OPCML: variants seen among roughly 807,000 people sequenced by gnomAD.
The protein encoded by OPCML is opioid-binding protein/cell adhesion molecule.
In OPCML, 13 loss-of-function variants were observed where a neutral mutation model predicts 37.8. The ratio of observed to expected loss-of-function variants is 0.34; its 90% CI spans 0.22 to 0.55. The LOEUF is 0.55. Ranked by LOEUF, OPCML falls within the 20% of genes least tolerant of loss-of-function variation. The pLI is 0.91. For missense variants in OPCML, 341 were observed against 435.6 expected (o/e 0.78, Z 1.93); for synonymous variants, 176 against 168.8 (o/e 1.04, Z -0.33).
At chr11:132,544,739 C>G (rs1220345822) in intron 3 of OPCML, among the ~76,000 whole-genome samples, 1 of 152,136 alleles carries the variant, frequency 6.6e-6, no homozygotes, top group Non-Finnish European at 1.5e-5. Flanking sequence ...GCTGGCCTTC[C>G]CTGGGCCTCC....
intron 1 of OPCML, among the ~76,000 whole-genome samples, chr11:133,442,499 C>G (rs956384803): frequency 6.6e-6 from 1 of 152,082 alleles, no homozygotes; most frequent in South Asian, 2.1e-4. Context: ...ATGCTTATGG[C>G]ACCATTATTT....
chr11:132,504,493 G>A (rs1024451374), intron 4 of OPCML, among the ~76,000 whole-genome samples: 3 of 152,196 alleles, frequency 2.0e-5, no homozygotes, highest in African/African-American at 7.2e-5. Flanking sequence ...TTTCTCATGA[G>A]GGTGCAGTCA....
At chr11:133,207,791 C>A (rs1360228348) in intron 1 of OPCML, among the ~76,000 whole-genome samples, 1 of 152,144 alleles carries the variant, frequency 6.6e-6, no homozygotes, top group Non-Finnish European at 1.5e-5. Flanking sequence ...AGATACATTG[C>A]CGTCACTATG....
chr11:132,848,174 G>A (rs573961775), intron 2 of OPCML, among the ~76,000 whole-genome samples: 5 of 152,332 alleles, frequency 3.3e-5, no homozygotes, highest in South Asian at 2.1e-4. Flanking sequence ...GTGAGATCAC[G>A]TCTCTCAAAA....
chr11:132,773,998 C>T (rs989343676), intron 2 of OPCML, among the ~76,000 whole-genome samples: 1 of 152,198 alleles, frequency 6.6e-6, no homozygotes, highest in African/African-American at 2.4e-5. Flanking sequence ...AGTCTGCAGT[C>T]ATAGCAGAAT....
intron 3 of OPCML, among the ~76,000 whole-genome samples, chr11:132,532,783 C>T (rs913723068): frequency 6.6e-6 from 1 of 152,156 alleles, no homozygotes; most frequent in African/African-American, 2.4e-5. Flanking sequence ...ACAGGAGAAG[C>T]CCATCTTCAC....
intron 1 of OPCML, chr11:133,005,682 T>C (rs1947096581): frequency 2.0e-6 from 2 of 977,426 alleles, no homozygotes; most frequent in Non-Finnish European, 2.4e-6. Flanking sequence ...CTTATCAATA[T>C]ATTAAATGCA....
intron 1 of OPCML, among the ~76,000 whole-genome samples, chr11:133,353,613 C>T (rs181267665): frequency 5.9e-5 from 9 of 152,326 alleles, no homozygotes; most frequent in Admixed American, 2.0e-4. Flanking sequence ...GGTCCCTTCT[C>T]TCTAAGGAAA....
intron 2 of OPCML, among the ~76,000 whole-genome samples, chr11:132,845,918 G>A (rs1591692810): frequency 6.6e-6 from 1 of 152,104 alleles, no homozygotes; most frequent in Non-Finnish European, 1.5e-5. Context: ...GGGATACAAC[G>A]AGGGTGGGCT....
intron 4 of OPCML, among the ~76,000 whole-genome samples, chr11:132,478,132 C>T (rs920213861): frequency 1.3e-5 from 2 of 152,124 alleles, no homozygotes; most frequent in African/African-American, 2.4e-5. Context: ...AAGGTCAAGG[C>T]ATGTGAAATG....
intron 1 of OPCML, among the ~76,000 whole-genome samples, chr11:133,369,593 C>G (rs1312688704): frequency 6.6e-6 from 1 of 152,178 alleles, no homozygotes; most frequent in African/African-American, 2.4e-5. Flanking sequence ...TCACAAAGTA[C>G]AGGAGTCATG....
chr11:132,866,730 C>A (rs1044412009), intron 2 of OPCML, among the ~76,000 whole-genome samples: 6 of 152,186 alleles, frequency 3.9e-5, no homozygotes, highest in African/African-American at 1.4e-4. Context: ...TACAAGATAT[C>A]ATTTCCATAT....
At chr11:132,753,462 T>C (rs1441252383) in intron 2 of OPCML, among the ~76,000 whole-genome samples, 1 of 152,242 alleles carries the variant, frequency 6.6e-6, no homozygotes, top group Non-Finnish European at 1.5e-5. Flanking sequence ...TGTATGCAAG[T>C]ACTGTTTAGC....
At chr11:132,785,947 T>A (rs1947195744) in intron 2 of OPCML, among the ~76,000 whole-genome samples, 1 of 152,242 alleles carries the variant, frequency 6.6e-6, no homozygotes, top group African/African-American at 2.4e-5. Context: ...CAAGATTCCA[T>A]GCTCAGATTT....
intron 1 of OPCML, among the ~76,000 whole-genome samples, chr11:133,009,762 G>C (rs139443575): frequency 6.6e-6 from 1 of 152,154 alleles, no homozygotes; most frequent in African/African-American, 2.4e-5. Context: ...ATCTAATGCC[G>C]CCTCTGATCT....
chr11:133,145,069 G>C (rs375554981), intron 1 of OPCML, among the ~76,000 whole-genome samples: 2 of 152,212 alleles, frequency 1.3e-5, no homozygotes, highest in East Asian at 3.9e-4. Flanking sequence ...AAACGGCAGC[G>C]AGTGAGACCA....
intron 2 of OPCML, among the ~76,000 whole-genome samples, chr11:132,793,785 C>G (rs955631275): frequency 1.3e-5 from 2 of 152,172 alleles, no homozygotes; most frequent in Non-Finnish European, 2.9e-5. Flanking sequence ...GCCCTAGGCC[C>G]GGTCCTCTTC....
intron 1 of OPCML, among the ~76,000 whole-genome samples, chr11:133,146,988 C>T (rs1949906988): frequency 6.6e-6 from 1 of 152,218 alleles, no homozygotes; most frequent in Admixed American, 6.5e-5. Flanking sequence ...AGCTTCCCCT[C>T]TGCAGGAGAC....
intron 1 of OPCML, among the ~76,000 whole-genome samples, chr11:133,149,194 C>T (rs544938612): frequency 7.2e-5 from 11 of 152,292 alleles, no homozygotes; most frequent in Admixed American, 2.6e-4. Context: ...GTGGTTTGTT[C>T]GTCCTAACTT....
Sources: gnomAD v4.1 joint callset for allele counts (sites outside exome capture counted in the v4.1 genomes callset) on GRCh38, gnomAD v4.1.1 for gene constraint, MANE v1.5 for transcripts, NCBI Gene and HGNC (gene_info 2026-07-23, HGNC 2026-07-21) for gene names.